The following ST8SIA4 variants were observed in gnomAD, a reference collection of about 807,000 sequenced individuals.
The protein encoded by ST8SIA4 is ST8 alpha-N-acetyl-neuraminide alpha-2,8-sialyltransferase 4, also known as CMP-N-acetylneuraminate-poly-alpha-2,8-sialyltransferase.
ST8SIA4 carries 15 observed loss-of-function variants against 33.9 expected under a neutral mutation model. That is an observed-to-expected ratio of 0.44 (90% CI 0.30 to 0.68). The LOEUF is 0.68. Ranked by LOEUF, ST8SIA4 falls within the 30% of genes least tolerant of loss-of-function variation. The pLI is 0.10. For synonymous variants in ST8SIA4, 171 were observed against 151.2 expected (o/e 1.13, Z -0.96); for missense variants, 321 against 428.0 (o/e 0.75, Z 2.21).
At chr5:100,892,662 G>A (rs887884809) in intron 2 of ST8SIA4, among the ~76,000 whole-genome samples, 5 of 151,840 alleles carry the variant, frequency 3.3e-5, no homozygotes, top group Non-Finnish European at 5.9e-5. Context: ...AATATAATAA[G>A]AACATTATAA....
intron 3 of ST8SIA4, among the ~76,000 whole-genome samples, chr5:100,863,162 A>G (rs1007078133): frequency 6.6e-6 from 1 of 152,224 alleles, no homozygotes; most frequent in African/African-American, 2.4e-5. Context: ...CCAGGTAGGA[A>G]TATACAGAAG....
intron 1 of ST8SIA4, among the ~76,000 whole-genome samples, chr5:100,899,632 A>C (rs188569448): frequency 3.3e-5 from 5 of 152,348 alleles, no homozygotes; most frequent in Admixed American, 3.3e-4. Context: ...GTGTGTAGCA[A>C]GATTTAAGGA....
At chr5:100,857,168 T>C (rs1300594240) in intron 3 of ST8SIA4, among the ~76,000 whole-genome samples, 1 of 151,864 alleles carries the variant, frequency 6.6e-6, no homozygotes, top group Non-Finnish European at 1.5e-5. Flanking sequence ...TATGCCGTAC[T>C]GTTTTCTCCA....
At chr5:100,826,639 C>T (rs1048999483) in intron 4 of ST8SIA4, among the ~76,000 whole-genome samples, 1 of 152,090 alleles carries the variant, frequency 6.6e-6, no homozygotes, top group South Asian at 2.1e-4. Context: ...ATATACTTAA[C>T]ATTTTCACAT....
intron 4 of ST8SIA4, among the ~76,000 whole-genome samples, chr5:100,850,368 C>G (rs1204446684): frequency 6.6e-6 from 1 of 150,548 alleles, no homozygotes. Flanking sequence ...TATATTAAAA[C>G]AAATTACTAC....
chr5:100,818,453 A>T (rs922032655), intron 4 of ST8SIA4, among the ~76,000 whole-genome samples: 1 of 152,150 alleles, frequency 6.6e-6, no homozygotes, highest in Non-Finnish European at 1.5e-5. Flanking sequence ...AAGTCAGAAG[A>T]CAATTTTGTA....
intron 4 of ST8SIA4, among the ~76,000 whole-genome samples, chr5:100,835,933 G>C (rs1016173348): frequency 7.2e-5 from 11 of 152,076 alleles, no homozygotes; most frequent in South Asian, 4.1e-4. Flanking sequence ...GGCATAATAA[G>C]ATGTGATCTC....
At position 100,811,897 on chromosome 5, in the gene ST8SIA4, G is replaced by T. The variant is rs200429642; in HGVS notation, c.1030C>A (p.His344Asn). Residue 344 changes from histidine (H) to asparagine (N), a missense_variant, in exon 5 of 5, where the codon CAT becomes AAT. His to Asn is a moderately conservative substitution (Grantham distance 68). Transcript: ENST00000231461. ...GTCAGTTTTAGAGCTCCTCTATTAT[G>T]TAGCACATTTAATGTTTTGAATTCT... ...PLEFKTLNVL[H>N]NRGALKLTTG... is the part of the protein sequence containing the mutation. 4 of 1,614,074 alleles carry T rather than the reference G, an allele frequency of 2.5e-6. No homozygotes were observed. In the East Asian group the frequency reaches 8.9e-5, roughly 36 times the overall value.
At chr5:100,869,997 C>T (rs902300319) in intron 3 of ST8SIA4, among the ~76,000 whole-genome samples, 23 of 152,142 alleles carry the variant, frequency 1.5e-4, no homozygotes, top group African/African-American at 4.6e-4. Flanking sequence ...TCTCTCCCAC[C>T]TCCCCCACCC....
intron 4 of ST8SIA4, among the ~76,000 whole-genome samples, chr5:100,833,133 G>A (rs1046860681): frequency 6.6e-6 from 1 of 152,040 alleles, no homozygotes; most frequent in African/African-American, 2.4e-5. Flanking sequence ...AATTCTTATT[G>A]GTTAACATAT....
At chr5:100,845,938 G>A (rs527326828) in intron 4 of ST8SIA4, among the ~76,000 whole-genome samples, 18 of 151,990 alleles carry the variant, frequency 1.2e-4, no homozygotes, top group East Asian at 9.7e-4. Context: ...GCTCCCATGC[G>A]TCATGCCTCA....
intron 3 of ST8SIA4, among the ~76,000 whole-genome samples, chr5:100,867,717 A>T (rs1452020714): frequency 6.6e-6 from 1 of 152,038 alleles, no homozygotes; most frequent in Non-Finnish European, 1.5e-5. Context: ...ATTCTTAGAA[A>T]TACCTTTTTG....
chr5:100,877,998 A>G (rs976403337), intron 3 of ST8SIA4, among the ~76,000 whole-genome samples: 1 of 152,102 alleles, frequency 6.6e-6, no homozygotes, highest in African/African-American at 2.4e-5. Flanking sequence ...AAAGGATCTA[A>G]CTTATAGGGA....
chr5:100,858,184 A>C (rs946074731), intron 3 of ST8SIA4, among the ~76,000 whole-genome samples: 1 of 152,062 alleles, frequency 6.6e-6, no homozygotes, highest in African/African-American at 2.4e-5. Flanking sequence ...TAATGAAGCT[A>C]GTTATCACAT....
chr5:100,870,947 A>G (rs1165910544), intron 3 of ST8SIA4, among the ~76,000 whole-genome samples: 1 of 152,090 alleles, frequency 6.6e-6, no homozygotes, highest in Non-Finnish European at 1.5e-5. Context: ...TGTGTAGCAA[A>G]TATTAGATAA....
Position 100,856,382 on chromosome 5 carries a change from G to GGA in ST8SIA4, c.516_517dup (p.Pro173LeufsTer19). 6.2e-7 allele frequency: 1 copy of GGA among 1,613,218 alleles called. No homozygotes were observed. The highest frequency in any genetic ancestry group is 8.5e-7 in the Non-Finnish European group (1 of 1,179,606). ...CACATCTGCAGCAAACTCCACCACA[G>GGA]GAGCTAGATTACACCTGAAGAGGAA... On this transcript the variant is annotated frameshift_variant, in exon 4 of 5. Transcript: ENST00000231461. LOFTEE classifies it high-confidence loss of function.
At chr5:100,850,404 A>G (rs4703127) in intron 4 of ST8SIA4, among the ~76,000 whole-genome samples, 42,416 of 151,486 alleles carry the variant, frequency 0.28, 6,171 homozygotes, top group Non-Finnish European at 0.32. Context: ...AAAATGGTAC[A>G]TATATATTAC....
In ST8SIA4 at chr5:100,831,917, T is replaced by C. The variant is rs73159945; in HGVS notation, c.798-19788A>G. On this transcript the variant is annotated intron_variant, in intron 4 of 4. Transcript: ENST00000231461. ...AATTGAGAAATGATGGGAATCTACA[T>C]ATTGTATGCAAGTCAAAAATACTTG... is the stretch of plus-strand genomic sequence containing the variant. Among the ~76,000 whole-genome samples the C allele has an allele frequency of 7.3e-3, 1,117 of 152,244 alleles. 12 individuals carry two copies. The highest frequency in any genetic ancestry group is 0.025 in the African/African-American group (1,034 of 41,564).
chr5:100,902,047 A>G lies in ST8SIA4; in HGVS notation c.113+796T>C, dbSNP rs377647818. On this transcript the variant is annotated intron_variant, in intron 1 of 4. Coordinates refer to ENST00000231461, the MANE Select transcript of ST8SIA4 (RefSeq NM_005668.6). Reference sequence around the variant, plus strand: ...TGACAATCAGGTTCACATCCTCAGAAAAAGCCTTCCAAGCTATGTCAGCAA... The same window carrying G: ...TGACAATCAGGTTCACATCCTCAGAGAAAGCCTTCCAAGCTATGTCAGCAA... Among the ~76,000 whole-genome samples, 6 of 152,334 alleles carry G rather than the reference A, an allele frequency of 3.9e-5. No homozygotes were observed. The East Asian group carries it at 5.8e-4, about 15-fold the overall frequency.
Sources: gnomAD v4.1 joint callset for allele counts (sites outside exome capture counted in the v4.1 genomes callset) on GRCh38, gnomAD v4.1.1 for gene constraint, MANE v1.5 for transcripts, NCBI Gene and HGNC (gene_info 2026-07-23, HGNC 2026-07-21) for gene names.